Variants in MYO1C observed in about 807,000 individuals in gnomAD.
MYO1C encodes myosin IC.
Under a neutral mutation model 150.8 loss-of-function variants are expected in MYO1C, and 104 were observed. The observed-to-expected ratio is 0.69, with a 90% CI of 0.59 to 0.81. The LOEUF is 0.81. Ranked by LOEUF, MYO1C falls within the 30% of genes least tolerant of loss-of-function variation. MYO1C has a pLI of 0.00. For synonymous variants in MYO1C, 663 were observed against 579.9 expected, an observed-to-expected ratio of 1.14 and a Z score of -2.06; for missense variants, 1,504 against 1,435.0, an observed-to-expected ratio of 1.05 and a Z score of -0.78.
Position 1,471,072 on chromosome 17 carries a change from C to T in MYO1C, c.2211G>A (p.Leu737=), listed in dbSNP as rs750779415. ...EDALEVRRQS[L]ATKIQAAWRG... ...AGGAAGGGTAGGCCTCTCTCTCACC[C>T]AGGCTCTGCCGCCGGACCTCCAGGG... is the stretch of plus-strand genomic sequence containing the variant. The change falls in exon 21 of 32, where the codon CTG becomes CTA. Residue 737 remains leucine, a splice_region_variant and synonymous_variant. Transcript: ENST00000648651. 5 of 1,614,016 alleles carry T rather than the reference C, an allele frequency of 3.1e-6. No individual in the cohort carries two copies. The highest frequency in any genetic ancestry group is 3.4e-6 in the Non-Finnish European group (4 of 1,179,928).
In MYO1C at chr17:1,479,481, T is replaced by C; in HGVS notation, c.1042A>G (p.Thr348Ala). 6.6e-7 allele frequency: 1 copy of C among 1,523,086 alleles called. No individual in the cohort carries two copies. Among genetic ancestry groups the C allele is most frequent in the Non-Finnish European group, 8.9e-7 (1 of 1,122,280 alleles). 94.3% of individuals were successfully genotyped at this position (1,523,086 alleles called of 1,614,324 possible). A position where few individuals can be genotyped will look rare whatever the true frequency, so the allele number is the denominator to read the frequency against. Reference protein sequence around the residue: ...LTRLLSVEGSTLREALTHRKI... With the variant: ...LTRLLSVEGSALREALTHRKI... ...CTGTGTGTCAGGGCTTCTCGCAGCGTCGAGCCTTCCACGCTGAGGAGCTGC... is the reference window on the plus strand; with the variant it reads ...CTGTGTGTCAGGGCTTCTCGCAGCGCCGAGCCTTCCACGCTGAGGAGCTGC... The change falls in exon 9 of 32, where the codon ACG (threonine) becomes GCG (alanine). Residue 348 changes from threonine to alanine, a missense_variant. Physicochemically the swap from Thr to Ala is moderately conservative, Grantham distance 58. Coordinates refer to ENST00000648651, the MANE Select transcript of MYO1C (RefSeq NM_001080779.2). The surrounding 1 kb of genome is among the most constrained non-coding windows in gnomAD (Gnocchi z 4.2).
intron 1 of MYO1C, among the ~76,000 whole-genome samples, chr17:1,487,483 C>T (rs919089812): frequency 6.6e-6 from 1 of 151,674 alleles, no homozygotes; most frequent in Non-Finnish European, 1.5e-5. Flanking sequence ...ACAACCCGGC[C>T]GGAGCGGCGG....
chr17:1,470,580 C>A, intron 22 of MYO1C, 41 bp downstream of exon 22: 1 of 1,593,336 alleles, frequency 6.3e-7, no homozygotes. Flanking sequence ...CCCCCCTGGC[C>A]CCAGACCCCG....
rs771197056 is a variant in MYO1C at position 1,480,839 on chromosome 17, G to A, written c.674C>T (p.Ser225Leu). The change falls in exon 6 of 32, where the codon TCA becomes TTA. Residue 225 changes from serine (S) to leucine (L), a missense_variant. Transcript: ENST00000648651. Reference protein sequence around the residue: ...GHILSYLLEKSRVVHQNHGER... With the variant: ...GHILSYLLEKLRVVHQNHGER... The stretch of plus-strand genomic sequence containing the variant: ...CCCATGATTCTGGTGCACCACTCGT[G>A]ACTTTTCCAGGAGGTAACTGAGGAT... 2.4e-5 allele frequency: 38 copies of A among 1,614,038 alleles called. No individual in the cohort carries two copies. The highest frequency in any genetic ancestry group is 3.1e-5 in the Non-Finnish European group (37 of 1,180,040).
intron 17 of MYO1C, among the ~76,000 whole-genome samples, chr17:1,472,768 T>A (rs2074330175): frequency 6.6e-6 from 1 of 150,536 alleles, no homozygotes; most frequent in African/African-American, 2.5e-5. Flanking sequence ...TGACGTCTTC[T>A]GGAAATGACG....
Position 1,484,184 on chromosome 17 carries a change from C to A in MYO1C, c.195G>T (p.Glu65Asp). Reference sequence around the variant, plus strand: ...TCTCCCGAAATCGCCGCCGCAGGTTCTCGATGAAGGCGGCCTCGCTGGTGA... The same window carrying A: ...TCTCCCGAAATCGCCGCCGCAGGTTATCGATGAAGGCGGCCTCGCTGGTGA... ...ENFTSEAAFI[E>D]NLRRRFRENL... Residue 65 changes from glutamate (E) to aspartate (D), a missense_variant, in exon 2 of 32, where the codon GAG becomes GAT. Transcript: ENST00000648651. 3 of 1,613,124 alleles carry A rather than the reference C, an allele frequency of 1.9e-6. No individual in the cohort carries two copies. The highest frequency in any genetic ancestry group is 2.5e-6 in the Non-Finnish European group (3 of 1,180,020).
chr17:1,476,107 T>C (rs1008389978), intron 14 of MYO1C, among the ~76,000 whole-genome samples: 1 of 152,142 alleles, frequency 6.6e-6, no homozygotes, highest in African/African-American at 2.4e-5. Context: ...AGGAACAAGT[T>C]TTTAGTATTT....
intron 27 of MYO1C, 42 bp from the exon 28 acceptor site, chr17:1,468,165 C>T (rs890332374): frequency 6.2e-7 from 1 of 1,612,112 alleles, no homozygotes; most frequent in Non-Finnish European, 8.5e-7. Flanking sequence ...GGAGAGGCTC[C>T]CAAGGCTCCG....
At chr17:1,482,413 G>C (rs2074541432) in intron 5 of MYO1C, 65 bp downstream of exon 5, 2 of 1,403,444 alleles carry the variant, frequency 1.4e-6, no homozygotes, top group Non-Finnish European at 2.0e-6. Context: ...CTGGTACCCA[G>C]TAGGTGCTTC....
intron 21 of MYO1C, 94 bp downstream of exon 21, chr17:1,470,976 AG>A: frequency 7.5e-7 from 1 of 1,341,208 alleles, no homozygotes. Context: ...GCTGATAGGG[AG>A]GGGTGGACTC....
At chr17:1,481,138 G>C in intron 5 of MYO1C, 1 of 539,046 alleles carries the variant, frequency 1.9e-6, no homozygotes, top group Non-Finnish European at 3.4e-6. Flanking sequence ...AATTCAACAG[G>C]CCTGAAGCTC....
chr17:1,482,515 C>G lies in MYO1C; in HGVS notation c.590G>C (p.Arg197Thr). The G allele has an allele frequency of 6.2e-7, 1 of 1,614,114 alleles. No homozygotes were observed. Among genetic ancestry groups the G allele is most frequent in the South Asian group, 1.1e-5 (1 of 91,086 alleles). ...AKTLRNDNSS[R>T]FGKYMDVQFD... ...CTGCACATCCATGTACTTCCCGAAC[C>G]TGCTGGAGTTATCGTTCCGGAGGGT... The change falls in exon 5 of 32, where the codon AGG becomes ACG. Residue 197 changes from arginine to threonine, a missense_variant. Arg to Thr is a moderately conservative substitution (Grantham distance 71, BLOSUM62 -1). Transcript: ENST00000648651.
At chr17:1,465,796 CG>C in intron 31 of MYO1C, 44 bp from the exon 32 acceptor site, 1 of 1,298,704 alleles carries the variant, frequency 7.7e-7, no homozygotes, top group Non-Finnish European at 9.9e-7. Context: ...GGGGAGCAGA[CG>C]GGGGCCCCGG....
At chr17:1,472,496 AC>A in intron 17 of MYO1C, 1 of 503,310 alleles carries the variant, frequency 2.0e-6, no homozygotes, top group Non-Finnish European at 3.6e-6. Context: ...TCAGTGCTAC[AC>A]CTCCCTTTAG....
At chr17:1,486,151 C>T (rs556711600) in intron 1 of MYO1C, 5 of 152,610 alleles carry the variant, frequency 3.3e-5, no homozygotes, top group Non-Finnish European at 7.3e-5. Flanking sequence ...CTCCCCCAAC[C>T]CCCGAACTCG....
chr17:1,477,333 A>G (rs894750790), intron 14 of MYO1C, 172 bp downstream of exon 14: 16 of 662,082 alleles, frequency 2.4e-5, no homozygotes, highest in Admixed American at 8.8e-5. Context: ...GCGTGTCAGC[A>G]TGCCTGGCTA....
At chr17:1,469,895 C>T (rs765444318) in intron 24 of MYO1C, among the ~76,000 whole-genome samples, 11 of 152,162 alleles carry the variant, frequency 7.2e-5, no homozygotes, top group African/African-American at 1.7e-4. Context: ...ATTAGCCGGG[C>T]GTAGTGGCGG....
Position 1,474,874 on chromosome 17 carries a change from C to T in MYO1C, c.1670-16G>A, listed in dbSNP as rs9897989. ...TCCAGAAACCCTGGGAGGGGAGAAC[C>T]GACGTGAGGTGAGACAGAGCCTCCC... On this transcript the variant is annotated splice_polypyrimidine_tract_variant and intron_variant, in intron 15 of 31. Transcript: ENST00000648651. 0.045 allele frequency: 73,170 copies of T among 1,613,618 alleles called. 2,252 individuals are homozygous for T. The highest frequency in any genetic ancestry group is 0.13 in the African/African-American group (10,080 of 74,936).
Position 1,479,693 on chromosome 17 carries a change from T to A in MYO1C, c.919A>T (p.Ile307Phe), listed in dbSNP as rs779849945. ...TEDEVEDLLSIVASVLHLGNI... is the reference protein window; with the variant it reads ...TEDEVEDLLSFVASVLHLGNI... ...CCCAAATGAAGGACGCTGGCCACGA[T>A]GCTCAGCAGGTCCTGGGGGAGCAGG... The change falls in exon 8 of 32, where the codon ATC (isoleucine) becomes TTC (phenylalanine). Residue 307 changes from isoleucine (I) to phenylalanine (F), a missense_variant. Transcript: ENST00000648651. This position sits in a 1 kb window ranked among gnomAD's most constrained non-coding sequence, Gnocchi z 4.2. 506 of 1,611,156 alleles carry A rather than the reference T, an allele frequency of 3.1e-4. No homozygotes were observed. Among genetic ancestry groups the A allele is most frequent in the Non-Finnish European group, 4.2e-4 (495 of 1,179,106 alleles).
Sources: allele counts gnomAD v4.1 joint callset (sites outside exome capture counted in the v4.1 genomes callset), GRCh38; gene constraint gnomAD v4.1.1; non-coding constraint Gnocchi (gnomAD v3.1); transcripts MANE v1.5; gene names NCBI Gene and HGNC (gene_info 2026-07-23, HGNC 2026-07-21).